Variants in SPOCK3 observed in about 807,000 individuals in gnomAD.
SPOCK3 encodes the protein SPARC (osteonectin), cwcv and kazal like domains proteoglycan 3.
In SPOCK3, 30 loss-of-function variants were observed where a neutral mutation model predicts 56.6. The observed-to-expected ratio is 0.53, with a 90% confidence interval of 0.40 to 0.72. The LOEUF (loss-of-function observed/expected upper bound fraction) is 0.72, where lower values mean the gene tolerates loss of function less well. SPOCK3 is among the 30% of genes least tolerant of loss of function. The pLI, the probability that SPOCK3 is intolerant of heterozygous loss-of-function variation, is 0.00. For missense variants in SPOCK3, 527 were observed against 530.0 expected (o/e 0.99, Z 0.06); for synonymous variants, 196 against 183.3 (o/e 1.07, Z -0.56).
chr4:167,127,051 A>G (rs1309687726), intron 2 of SPOCK3, among the ~76,000 whole-genome samples: 1 of 152,188 alleles, frequency 6.6e-6, no homozygotes, highest in Non-Finnish European at 1.5e-5. Flanking sequence ...TGGACCAGCA[A>G]TAGAATAGAC....
intron 6 of SPOCK3, among the ~76,000 whole-genome samples, chr4:166,872,463 C>T (rs899096692): frequency 1.3e-5 from 2 of 152,090 alleles, no homozygotes; most frequent in Admixed American, 6.6e-5. Context: ...TGGGTATACA[C>T]ATAAACTTAT....
chr4:167,045,839 T>C (rs1753661133), intron 3 of SPOCK3, among the ~76,000 whole-genome samples: 1 of 152,156 alleles, frequency 6.6e-6, no homozygotes, highest in African/African-American at 2.4e-5. Flanking sequence ...CTACAATCTA[T>C]TAAATAAACT....
At chr4:167,181,004 A>T (rs1731406220) in intron 2 of SPOCK3, among the ~76,000 whole-genome samples, 1 of 152,176 alleles carries the variant, frequency 6.6e-6, no homozygotes, top group Non-Finnish European at 1.5e-5. Context: ...AATCCATGGC[A>T]CTGATTCATA....
At chr4:166,975,162 G>A (rs150522621) in intron 4 of SPOCK3, among the ~76,000 whole-genome samples, 1,526 of 152,030 alleles carry the variant, frequency 0.01, 24 homozygotes, top group African/African-American at 0.035. Flanking sequence ...TTGACTTCCC[G>A]GTCTTTAGAA....
In SPOCK3 at chr4:167,180,150, C is replaced by T. The variant is rs1160652451; in HGVS notation, c.189+53835G>A. Among the ~76,000 whole-genome samples the T allele has an allele frequency of 3.3e-5, 5 of 152,070 alleles. No homozygotes were observed. In the East Asian group the frequency reaches 9.7e-4, roughly 29 times the overall value. On this transcript the variant is annotated intron_variant, in intron 2 of 10. Coordinates refer to ENST00000357545, the MANE Select transcript of SPOCK3 (RefSeq NM_001040159.2). ...TGTTGTTTCAAATGAACTCAGCCTTCCTTGGGAGCACCTTGATAGAGAAGA... is the reference window on the plus strand; with the variant it reads ...TGTTGTTTCAAATGAACTCAGCCTTTCTTGGGAGCACCTTGATAGAGAAGA...
Position 166,889,124 on chromosome 4 carries a change from A to T in SPOCK3, c.589+6T>A. The T allele has an allele frequency of 6.5e-7, 1 of 1,546,938 alleles. No individual in the cohort carries two copies. The highest frequency in any genetic ancestry group is 8.9e-7 in the Non-Finnish European group (1 of 1,120,174). ...GTAAAATTATAAATATATTTTTGTC[A>T]CTTACCTCTCTTAACATTTCTGCTT... On this transcript the variant is annotated splice_donor_region_variant and intron_variant, in intron 6 of 10. Coordinates refer to ENST00000357545, the MANE Select transcript of SPOCK3 (RefSeq NM_001040159.2).
chr4:167,027,374 A>G (rs1179470815), intron 3 of SPOCK3, among the ~76,000 whole-genome samples: 2 of 151,942 alleles, frequency 1.3e-5, no homozygotes, highest in Non-Finnish European at 2.9e-5. Flanking sequence ...ATCGTACCTG[A>G]TATTTTCTTG....
intron 3 of SPOCK3, among the ~76,000 whole-genome samples, chr4:167,048,473 A>G (rs976676114): frequency 2.0e-5 from 3 of 152,160 alleles, no homozygotes; most frequent in African/African-American, 7.2e-5. Context: ...GATGATAGGA[A>G]AACTAGAAGA....
At chr4:167,165,365 G>T (rs1765666661) in intron 2 of SPOCK3, among the ~76,000 whole-genome samples, 1 of 151,524 alleles carries the variant, frequency 6.6e-6, no homozygotes, top group African/African-American at 2.4e-5. Context: ...AAATGTACAA[G>T]AAAAAAACAA....
chr4:167,109,284 TA>T (rs1302640903), intron 2 of SPOCK3, among the ~76,000 whole-genome samples: 1 of 89,574 alleles, frequency 1.1e-5, no homozygotes, highest in Non-Finnish European at 1.9e-5. Flanking sequence ...AATTAAGTAT[TA>T]ATTATTATAA....
intron 2 of SPOCK3, among the ~76,000 whole-genome samples, chr4:167,135,598 T>C (rs1763045948): frequency 6.6e-6 from 1 of 152,096 alleles, no homozygotes. Flanking sequence ...TGGAAATTCA[T>C]GGCAGATCAA....
At chr4:167,096,939 T>A (rs1759210218) in intron 2 of SPOCK3, among the ~76,000 whole-genome samples, 1 of 151,906 alleles carries the variant, frequency 6.6e-6, no homozygotes, top group African/African-American at 2.4e-5. Flanking sequence ...TTGACACTGT[T>A]GTGTGGTACA....
chr4:167,010,870 G>T (rs890111241), intron 3 of SPOCK3, among the ~76,000 whole-genome samples: 2 of 152,070 alleles, frequency 1.3e-5, no homozygotes, highest in African/African-American at 4.8e-5. Context: ...TGAGGAAGTC[G>T]AATGTCAAAG....
At chr4:166,903,395 A>C (rs1736268822) in intron 5 of SPOCK3, among the ~76,000 whole-genome samples, 1 of 151,938 alleles carries the variant, frequency 6.6e-6, no homozygotes, top group Non-Finnish European at 1.5e-5. Context: ...AGACCCATGC[A>C]AGAGCAGCTC....
chr4:167,133,874 G>A (rs751602736), intron 2 of SPOCK3, among the ~76,000 whole-genome samples: 3 of 152,072 alleles, frequency 2.0e-5, no homozygotes, highest in Non-Finnish European at 2.9e-5. Context: ...AATCACTTGA[G>A]AGTATTAGGC....
chr4:167,167,072 G>A (rs1345042054), intron 2 of SPOCK3, among the ~76,000 whole-genome samples: 1 of 151,970 alleles, frequency 6.6e-6, no homozygotes, highest in East Asian at 1.9e-4. Context: ...GCTGGGGCAA[G>A]CTGAACTCCT....
intron 2 of SPOCK3, among the ~76,000 whole-genome samples, chr4:167,163,266 A>G (rs1765481692): frequency 6.6e-6 from 1 of 151,170 alleles, no homozygotes. Flanking sequence ...CTTTTTTAAA[A>G]CATTTATTTT....
At chr4:166,740,649 C>CT (rs1734745826) in intron 9 of SPOCK3, among the ~76,000 whole-genome samples, 1 of 151,980 alleles carries the variant, frequency 6.6e-6, no homozygotes, top group Non-Finnish European at 1.5e-5. Context: ...CTTCAGGCGC[C>CT]AGAGTAGCTG....
intron 2 of SPOCK3, among the ~76,000 whole-genome samples, chr4:167,131,525 C>T (rs1186528501): frequency 6.6e-6 from 1 of 152,114 alleles, no homozygotes; most frequent in Non-Finnish European, 1.5e-5. Context: ...ATCACTTGAA[C>T]CTGGGAGGCG....
Sources: gnomAD v4.1 joint callset for allele counts (sites outside exome capture counted in the v4.1 genomes callset) on GRCh38, gnomAD v4.1.1 for gene constraint, MANE v1.5 for transcripts, NCBI Gene and HGNC (gene_info 2026-07-23, HGNC 2026-07-21) for gene names.